The following RGS6 variants were observed in gnomAD, a reference collection of about 807,000 sequenced individuals.
RGS6 encodes regulator of G protein signaling 6, also known as regulator of G-protein signaling 6.
A neutral mutation model predicts 78.5 loss-of-function variants in RGS6; 30 were observed. The observed-to-expected ratio is 0.38, with a 90% CI of 0.29 to 0.52. The LOEUF is 0.52. RGS6 is among the 20% of genes least tolerant of loss of function. RGS6 has a pLI of 0.85. For missense variants in RGS6, 495 were observed against 609.7 expected, an observed-to-expected ratio of 0.81 and a Z score of 1.98; for synonymous variants, 206 against 206.0, an observed-to-expected ratio of 1.00 and a Z score of 0.00.
intron 3 of RGS6, among the ~76,000 whole-genome samples, chr14:72,374,394 C>A (rs533595630): frequency 1.3e-5 from 2 of 152,308 alleles, no homozygotes; most frequent in South Asian, 4.1e-4. Flanking sequence ...CCAGCTTCAT[C>A]CATGTCCCTA....
intron 2 of RGS6, among the ~76,000 whole-genome samples, chr14:71,993,680 AG>A (rs1266483328): frequency 6.6e-6 from 1 of 152,146 alleles, no homozygotes; most frequent in Admixed American, 6.5e-5. Context: ...TATAGCCTTT[AG>A]GGTATATACT....
chr14:72,175,657 A>G (rs2097095103), intron 2 of RGS6, among the ~76,000 whole-genome samples: 2 of 152,220 alleles, frequency 1.3e-5, no homozygotes, highest in Admixed American at 1.3e-4. Flanking sequence ...AAAGCAGTGC[A>G]CAAATGAACG....
At chr14:72,504,847 G>A (rs1458530883) in intron 13 of RGS6, among the ~76,000 whole-genome samples, 1 of 151,220 alleles carries the variant, frequency 6.6e-6, no homozygotes, top group African/African-American at 2.4e-5. Context: ...TCCGCCTCCT[G>A]GGTTCAAGCA....
chr14:72,618,344 A>T, the RGS6 span, among the ~76,000 whole-genome samples: 1 of 152,152 alleles, frequency 6.6e-6, no homozygotes, highest in Non-Finnish European at 1.5e-5. Flanking sequence ...AGCCCCCTGT[A>T]TCCAGCATTC....
intron 3 of RGS6, among the ~76,000 whole-genome samples, chr14:72,422,933 G>A (rs1350802705): frequency 6.6e-6 from 1 of 152,232 alleles, no homozygotes; most frequent in South Asian, 2.1e-4. Flanking sequence ...AGAGCCTGTA[G>A]AAAGAACCAA....
chr14:72,623,479 C>CAT, the RGS6 span, among the ~76,000 whole-genome samples: 2 of 151,938 alleles, frequency 1.3e-5, no homozygotes, highest in East Asian at 3.9e-4. Context: ...TGCAGATCTG[C>CAT]ATATATATGT....
intron 2 of RGS6, among the ~76,000 whole-genome samples, chr14:72,063,166 G>T (rs2093976011): frequency 6.6e-6 from 1 of 152,152 alleles, no homozygotes; most frequent in South Asian, 2.1e-4. Context: ...GAGGAGAAAA[G>T]ATGTTGAAGA....
At chr14:72,101,027 C>T (rs1327149727) in intron 2 of RGS6, among the ~76,000 whole-genome samples, 4 of 152,066 alleles carry the variant, frequency 2.6e-5, no homozygotes, top group African/African-American at 9.7e-5. Flanking sequence ...GGCTTAGTGG[C>T]ATGCATCTGT....
intron 2 of RGS6, among the ~76,000 whole-genome samples, chr14:71,978,810 A>G (rs1408143596): frequency 2.0e-5 from 3 of 151,744 alleles, no homozygotes; most frequent in Admixed American, 6.6e-5. Flanking sequence ...CTCTTTTCCT[A>G]TTGATTGGAA....
intron 2 of RGS6, among the ~76,000 whole-genome samples, chr14:72,316,460 C>G (rs998892542): frequency 1.3e-5 from 2 of 152,136 alleles, no homozygotes; most frequent in African/African-American, 4.8e-5. Flanking sequence ...TCATTCGTGT[C>G]CCACCTATGA....
chr14:71,961,600 C>T (rs180883391), intron 1 of RGS6, among the ~76,000 whole-genome samples: 3 of 152,284 alleles, frequency 2.0e-5, no homozygotes, highest in Admixed American at 2.0e-4. Flanking sequence ...CATCTTGTAA[C>T]CATCAAGCTG....
intron 2 of RGS6, among the ~76,000 whole-genome samples, chr14:72,068,712 G>A (rs1326025499): frequency 1.3e-5 from 2 of 151,426 alleles, no homozygotes; most frequent in African/African-American, 2.4e-5. Context: ...GGCTAGGCTG[G>A]TCTTGAACTC....
chr14:72,249,373 G>C (rs12894979), intron 2 of RGS6, among the ~76,000 whole-genome samples: 1 of 152,020 alleles, frequency 6.6e-6, no homozygotes, highest in Non-Finnish European at 1.5e-5. Flanking sequence ...GGTGCAGAGA[G>C]GGAGACATTC....
the RGS6 span, among the ~76,000 whole-genome samples, chr14:71,868,764 A>G: frequency 6.6e-6 from 1 of 152,200 alleles, no homozygotes. Flanking sequence ...GCACAATTCC[A>G]TAACCCCTTG....
At chr14:72,414,685 T>G (rs988634818) in intron 3 of RGS6, among the ~76,000 whole-genome samples, 1 of 152,132 alleles carries the variant, frequency 6.6e-6, no homozygotes, top group African/African-American at 2.4e-5. Context: ...TCCCCCATCT[T>G]TGTGGTTTTA....
chr14:72,208,247 G>A (rs2043164286), intron 2 of RGS6, among the ~76,000 whole-genome samples: 1 of 152,160 alleles, frequency 6.6e-6, no homozygotes, highest in African/African-American at 2.4e-5. Flanking sequence ...TGCTATTGGA[G>A]CTGAGACATT....
intron 2 of RGS6, among the ~76,000 whole-genome samples, chr14:72,045,455 C>T (rs1320650834): frequency 2.0e-5 from 3 of 152,102 alleles, no homozygotes; most frequent in Non-Finnish European, 2.9e-5. Flanking sequence ...CTTCAAATTC[C>T]TCTGGCGTCA....
At position 72,496,888 on chromosome 14, in the gene RGS6, A is replaced by G. The variant is rs10134731; in HGVS notation, c.965+1626A>G. 9.2e-3 allele frequency among the ~76,000 whole-genome samples: 1,398 copies of G among 152,280 alleles called. 16 individuals carry two copies. The highest frequency in any genetic ancestry group is 0.032 in the African/African-American group (1,335 of 41,526). ...TAGTCCAATAATTTTTAAATTAACAATAGGTCGTGGCAGTCTTTCCATGTA... is the reference window on the plus strand; with the variant it reads ...TAGTCCAATAATTTTTAAATTAACAGTAGGTCGTGGCAGTCTTTCCATGTA... On this transcript the variant is annotated intron_variant, in intron 13 of 17. Transcript: ENST00000553525.
intron 2 of RGS6, among the ~76,000 whole-genome samples, chr14:71,965,655 G>T (rs887500401): frequency 1.3e-5 from 2 of 152,194 alleles, no homozygotes; most frequent in Admixed American, 1.3e-4. Context: ...ATTTAATCAA[G>T]AAAAACTTCT....
Sources: allele counts gnomAD v4.1 joint callset (sites outside exome capture counted in the v4.1 genomes callset), GRCh38; gene constraint gnomAD v4.1.1; transcripts MANE v1.5; gene names NCBI Gene and HGNC (gene_info 2026-07-23, HGNC 2026-07-21).